Variants in ANKS1A observed in about 807,000 individuals in gnomAD.
The protein encoded by ANKS1A is ankyrin repeat and sterile alpha motif domain containing 1A.
Under a neutral mutation model 120.3 loss-of-function variants are expected in ANKS1A, and 55 were observed. The ratio of observed to expected loss-of-function variants is 0.46; its 90% CI spans 0.37 to 0.57. ANKS1A has a LOEUF of 0.57. Among genes scored for constraint, ANKS1A ranks in the 20% least tolerant of loss-of-function variants. ANKS1A has a pLI of 0.00. For synonymous variants in ANKS1A, 590 were observed against 604.7 expected (o/e 0.98, Z 0.36); for missense variants, 1,123 against 1,480.3 (o/e 0.76, Z 3.96).
In ANKS1A at chr6:35,013,645, C is replaced by A. The variant is rs2820238; in HGVS notation, c.1424-3828C>A. 5.4e-3 allele frequency among the ~76,000 whole-genome samples: 817 copies of A among 152,328 alleles called. 5 individuals are homozygous for A. The highest frequency in any genetic ancestry group is 7.4e-3 in the Non-Finnish European group (505 of 68,032). ...GCCTCCTGAGGACAGACACTTCATA[C>A]ATTTGTCCATGGGATGAGTGGTTAC... On this transcript the variant is annotated intron_variant, in intron 10 of 23. Coordinates refer to ENST00000360359, the MANE Select transcript of ANKS1A (RefSeq NM_015245.3).
At chr6:35,016,489 C>T (rs147633258) in intron 10 of ANKS1A, among the ~76,000 whole-genome samples, 2,231 of 152,226 alleles carry the variant, frequency 0.015, 25 homozygotes, top group African/African-American at 0.024. Context: ...GCAAGGAAAG[C>T]CCCTGGGTGT....
At chr6:34,892,399 A>G (rs903281234) in intron 1 of ANKS1A, among the ~76,000 whole-genome samples, 3 of 152,168 alleles carry the variant, frequency 2.0e-5, no homozygotes, top group African/African-American at 7.2e-5. Context: ...GGATTATTTA[A>G]TGAGAGCTGT....
In ANKS1A at chr6:34,889,683, C is replaced by A; in HGVS notation, c.197+84C>A. The A allele has an allele frequency of 8.3e-7, 1 of 1,197,642 alleles. No individual in the cohort carries two copies. The highest frequency in any genetic ancestry group is 1.0e-6 in the Non-Finnish European group (1 of 966,678). 74.2% of individuals were successfully genotyped at this position (1,197,642 alleles called of 1,614,324 possible). On this transcript the variant is annotated intron_variant, in intron 1 of 23. Transcript: ENST00000360359. The surrounding 1 kb of genome is among the most constrained non-coding windows in gnomAD (Gnocchi z 5.5). ...TTGGGTCCCCAGAGAGATCGGGGGT[C>A]CTGAGACTCGGGCGGGGTGGGCTTG... is the stretch of plus-strand genomic sequence containing the variant.
chr6:35,019,469 A>G (rs748375665), intron 11 of ANKS1A, among the ~76,000 whole-genome samples: 14 of 152,138 alleles, frequency 9.2e-5, no homozygotes, highest in Non-Finnish European at 2.1e-4. Context: ...CAGATAAGGT[A>G]TAAGATGAAG....
intron 1 of ANKS1A, among the ~76,000 whole-genome samples, chr6:34,932,310 C>T (rs539340765): frequency 1.3e-5 from 2 of 152,088 alleles, no homozygotes; most frequent in Admixed American, 6.5e-5. Flanking sequence ...CTCAGCCTGC[C>T]GAGTAACTCG....
At chr6:34,963,488 A>G (rs1770753460) in intron 1 of ANKS1A, among the ~76,000 whole-genome samples, 1 of 152,198 alleles carries the variant, frequency 6.6e-6, no homozygotes, top group South Asian at 2.1e-4. Flanking sequence ...GTCATTGTTT[A>G]TATATACCAC....
chr6:35,063,644 T>C (rs940504993), intron 13 of ANKS1A, among the ~76,000 whole-genome samples: 1 of 152,226 alleles, frequency 6.6e-6, no homozygotes, highest in Non-Finnish European at 1.5e-5. Context: ...ATGTTTTCAG[T>C]GGCTATCTCA....
Position 35,082,298 on chromosome 6 carries a change from T to A in ANKS1A, c.2710-393T>A, listed in dbSNP as rs2820240. ...GATCCCTCCCAGGCCCTGGGCTGGG[T>A]CCCAAGGCGTCCCAGGGTCTCGTGG... On this transcript the variant is annotated intron_variant, in intron 17 of 23. Coordinates refer to ENST00000360359, the MANE Select transcript of ANKS1A (RefSeq NM_015245.3). The surrounding 1 kb of genome is among the most constrained non-coding windows in gnomAD (Gnocchi z 4.1). 0.35 allele frequency among the ~76,000 whole-genome samples: 52,257 copies of A among 151,284 alleles called. 11,486 individuals are homozygous for A. Among genetic ancestry groups the A allele is most frequent in the Middle Eastern group, 0.48 (142 of 294 alleles).
At chr6:34,945,822 T>C (rs936684546) in intron 1 of ANKS1A, among the ~76,000 whole-genome samples, 4 of 152,206 alleles carry the variant, frequency 2.6e-5, no homozygotes, top group Non-Finnish European at 5.9e-5. Context: ...GTTCATTTCA[T>C]AGAGGTTGTC....
chr6:34,983,286 A>G, intron 6 of ANKS1A, 38 bp from the exon 7 acceptor site: 1 of 1,611,050 alleles, frequency 6.2e-7, no homozygotes, highest in Non-Finnish European at 8.5e-7. Context: ...TATTTGGTGC[A>G]GCACTTTTTA....
downstream of ANKS1A, among the ~76,000 whole-genome samples, chr6:35,094,442 A>G (rs1185970723): frequency 9.5e-6 from 1 of 105,262 alleles, no homozygotes; most frequent in East Asian, 2.5e-4. Flanking sequence ...TTCGTCTGGA[A>G]AAAAAAAAAA....
chr6:34,909,200 G>T (rs1432105725), intron 1 of ANKS1A, among the ~76,000 whole-genome samples: 1 of 152,158 alleles, frequency 6.6e-6, no homozygotes, highest in African/African-American at 2.4e-5. Context: ...TGGAGTGGGA[G>T]CAGGGCAGGG....
intron 12 of ANKS1A, among the ~76,000 whole-genome samples, chr6:35,056,596 C>G (rs1156963025): frequency 6.6e-6 from 1 of 152,186 alleles, no homozygotes; most frequent in African/African-American, 2.4e-5. Flanking sequence ...CCCCACCTAC[C>G]AGTTTTTGTC....
downstream of ANKS1A, among the ~76,000 whole-genome samples, chr6:35,093,945 G>A (rs973443705): frequency 6.6e-6 from 1 of 152,146 alleles, no homozygotes; most frequent in Non-Finnish European, 1.5e-5. Context: ...GAGACAGAAC[G>A]CTCACCAGCG....
chr6:35,050,068 C>T lies in ANKS1A; in HGVS notation c.2011-4031C>T, dbSNP rs528073695. On this transcript the variant is annotated intron_variant, in intron 11 of 23. Coordinates refer to ENST00000360359, the MANE Select transcript of ANKS1A (RefSeq NM_015245.3). This position sits in a 1 kb window ranked among gnomAD's most constrained non-coding sequence, Gnocchi z 4.3. ...AGAGCTCCACCTCCCATCCCCACCC[C>T]GTGGGCAGCCAGAATCCTGCGGTCT... 6.6e-6 allele frequency among the ~76,000 whole-genome samples: 1 copy of T among 152,190 alleles called. No individual in the cohort carries two copies. The highest frequency in any genetic ancestry group is 6.5e-5 in the Admixed American group (1 of 15,278).
At position 35,091,191 on chromosome 6, in the gene ANKS1A, T is replaced by C. The variant is rs1778288694; in HGVS notation, c.*2582T>C. 1.0e-6 allele frequency: 1 copy of C among 985,904 alleles called. No individual in the cohort carries two copies. Among genetic ancestry groups the C allele is most frequent in the Non-Finnish European group, 1.2e-6 (1 of 829,946 alleles). 61.1% of individuals were successfully genotyped at this position (985,904 alleles called of 1,614,324 possible). On this transcript the variant is annotated 3_prime_UTR_variant, in exon 24 of 24. Transcript: ENST00000360359. ...ATACTTGAATGACTTTCCCTTTTGT[T>C]TTACTGTATATAAAATTGTTAATCT...
At chr6:34,963,638 A>G (rs1387310383) in intron 1 of ANKS1A, among the ~76,000 whole-genome samples, 1 of 152,232 alleles carries the variant, frequency 6.6e-6, no homozygotes, top group Admixed American at 6.5e-5. Flanking sequence ...TATACCCAGT[A>G]GTACAATTGC....
At chr6:35,037,469 G>A (rs1775232535) in intron 11 of ANKS1A, among the ~76,000 whole-genome samples, 1 of 152,190 alleles carries the variant, frequency 6.6e-6, no homozygotes, top group African/African-American at 2.4e-5. Context: ...GCACTGGTAG[G>A]GGAGTGGGGG....
intron 1 of ANKS1A, among the ~76,000 whole-genome samples, chr6:34,910,896 AGAAT>A (rs953974531): frequency 6.6e-6 from 1 of 151,934 alleles, no homozygotes. Flanking sequence ...AAAAGAAAAA[AGAAT>A]GAATGAATGA....
Sources: allele counts gnomAD v4.1 joint callset (sites outside exome capture counted in the v4.1 genomes callset), GRCh38; gene constraint gnomAD v4.1.1; non-coding constraint Gnocchi (gnomAD v3.1); transcripts MANE v1.5; gene names NCBI Gene and HGNC (gene_info 2026-07-23, HGNC 2026-07-21).